Variants in DCC observed in about 807,000 individuals in gnomAD.
DCC encodes netrin receptor DCC.
DCC carries 58 observed loss-of-function variants against 172.5 expected under a neutral mutation model. The ratio of observed to expected loss-of-function variants is 0.34; its 90% CI spans 0.27 to 0.42. DCC has a LOEUF of 0.42. Ranked by LOEUF, DCC falls within the 10% of genes least tolerant of loss-of-function variation. The pLI, the probability that DCC is intolerant of heterozygous loss-of-function variation, is 1.00. For missense variants in DCC, 1,740 were observed against 1,791.0 expected (o/e 0.97, Z 0.51); for synonymous variants, 709 against 644.5 (o/e 1.10, Z -1.52).
chr18:53,222,681 C>T (rs945889266), intron 12 of DCC, among the ~76,000 whole-genome samples: 3 of 151,984 alleles, frequency 2.0e-5, no homozygotes, highest in South Asian at 2.1e-4. Flanking sequence ...CCACCACGCC[C>T]GGCCTATGGT....
At chr18:52,582,884 A>G (rs2033585247) in intron 1 of DCC, among the ~76,000 whole-genome samples, 1 of 152,190 alleles carries the variant, frequency 6.6e-6, no homozygotes, top group African/African-American at 2.4e-5. Flanking sequence ...GGTGTCTTTG[A>G]CAGTTTAATA....
intron 2 of DCC, among the ~76,000 whole-genome samples, chr18:52,870,736 T>C (rs1054352200): frequency 2.9e-4 from 36 of 123,006 alleles, no homozygotes; most frequent in Middle Eastern, 6.0e-3. Flanking sequence ...CAGCTTAGGT[T>C]CACTATGATT....
chr18:52,572,134 G>T (rs2033313014), intron 1 of DCC, among the ~76,000 whole-genome samples: 1 of 152,142 alleles, frequency 6.6e-6, no homozygotes. Flanking sequence ...TGTGTCCTGT[G>T]GAGAAAATTC....
intron 1 of DCC, among the ~76,000 whole-genome samples, chr18:52,436,559 G>T (rs114086607): frequency 0.017 from 2,611 of 152,254 alleles, 34 homozygotes; most frequent in South Asian, 0.037. Flanking sequence ...ATTTCCAGGG[G>T]CTTCCTATGT....
intron 1 of DCC, among the ~76,000 whole-genome samples, chr18:52,665,579 C>T (rs556190371): frequency 2.0e-5 from 3 of 152,206 alleles, no homozygotes; most frequent in East Asian, 1.9e-4. Flanking sequence ...ATAATCGGAG[C>T]CTGATTTATA....
chr18:52,902,591 G>A (rs1004343823), intron 2 of DCC, among the ~76,000 whole-genome samples: 1 of 152,054 alleles, frequency 6.6e-6, no homozygotes, highest in Non-Finnish European at 1.5e-5. Context: ...TATTTCATAC[G>A]TATGCGTTAT....
At chr18:53,114,689 C>T (rs1024950446) in intron 7 of DCC, among the ~76,000 whole-genome samples, 6 of 151,506 alleles carry the variant, frequency 4.0e-5, no homozygotes, top group South Asian at 2.1e-4. Flanking sequence ...AGATCAGCCA[C>T]GTTGGACTGA....
At chr18:52,635,736 A>G (rs912361103) in intron 1 of DCC, among the ~76,000 whole-genome samples, 18 of 152,266 alleles carry the variant, frequency 1.2e-4, no homozygotes, top group African/African-American at 4.1e-4. Flanking sequence ...CTCACGTTCC[A>G]TTCTGACTAT....
intron 7 of DCC, among the ~76,000 whole-genome samples, chr18:53,143,210 C>T (rs2043856084): frequency 6.6e-6 from 1 of 152,116 alleles, no homozygotes; most frequent in African/African-American, 2.4e-5. Context: ...TCCCCAGCCT[C>T]CTCACCTCTT....
At chr18:52,993,250 A>C (rs954581781) in intron 5 of DCC, among the ~76,000 whole-genome samples, 1 of 152,314 alleles carries the variant, frequency 6.6e-6, no homozygotes, top group East Asian at 1.9e-4. Context: ...GGATAAGAAA[A>C]GTTCTTAACT....
intron 1 of DCC, among the ~76,000 whole-genome samples, chr18:52,545,254 C>A (rs2032578207): frequency 6.6e-6 from 1 of 152,146 alleles, no homozygotes; most frequent in South Asian, 2.1e-4. Context: ...GAAGTACTGG[C>A]CTGGAGGGCA....
At chr18:52,510,215 C>A (rs753012081) in intron 1 of DCC, among the ~76,000 whole-genome samples, 1 of 152,060 alleles carries the variant, frequency 6.6e-6, no homozygotes, top group Non-Finnish European at 1.5e-5. Flanking sequence ...AACTCAGGAC[C>A]CTTTGAAGAC....
In DCC at chr18:53,328,737, G is replaced by A. The variant is rs193261314; in HGVS notation, c.2164+6580G>A. ...TTTAGTAGAGACAGGGTTTCACCACGTGGGCCAGGCTGGTCTTGAACTCCT... is the reference window on the plus strand; with the variant it reads ...TTTAGTAGAGACAGGGTTTCACCACATGGGCCAGGCTGGTCTTGAACTCCT... On this transcript the variant is annotated intron_variant, in intron 14 of 28. Coordinates refer to ENST00000442544, the MANE Select transcript of DCC (RefSeq NM_005215.4). 9.7e-4 allele frequency among the ~76,000 whole-genome samples: 148 copies of A among 152,212 alleles called. 1 individual carries two copies. Among genetic ancestry groups the A allele is most frequent in the African/African-American group, 3.1e-3 (128 of 41,544 alleles).
At chr18:52,514,130 CCT>C (rs978087657) in intron 1 of DCC, among the ~76,000 whole-genome samples, 21 of 151,878 alleles carry the variant, frequency 1.4e-4, no homozygotes, top group African/African-American at 9.7e-5. Context: ...TTGATAAAAT[CCT>C]CTCTCTCTGT....
At chr18:53,382,204 G>C (rs62098054) in intron 15 of DCC, among the ~76,000 whole-genome samples, 64,085 of 151,290 alleles carry the variant, frequency 0.42, 15,255 homozygotes, top group Non-Finnish European at 0.55. Context: ...TATTCAAATT[G>C]CGAATGGAAT....
intron 15 of DCC, among the ~76,000 whole-genome samples, chr18:53,377,318 T>C (rs777371534): frequency 2.0e-5 from 3 of 148,756 alleles, no homozygotes; most frequent in Non-Finnish European, 4.4e-5. Context: ...CATTATCCCA[T>C]GGTGGAAGGC....
At chr18:52,521,736 T>C (rs1404495993) in intron 1 of DCC, among the ~76,000 whole-genome samples, 1 of 152,098 alleles carries the variant, frequency 6.6e-6, no homozygotes. Flanking sequence ...CTGGAAAAGG[T>C]GAATGGTTTT....
At chr18:53,217,706 A>G (rs74770202) in intron 12 of DCC, among the ~76,000 whole-genome samples, 1 of 152,178 alleles carries the variant, frequency 6.6e-6, no homozygotes, top group East Asian at 1.9e-4. Flanking sequence ...TATTTGAAAT[A>G]GATGAAAAGT....
At chr18:53,453,746 G>C (rs1182183557) in intron 23 of DCC, among the ~76,000 whole-genome samples, 1 of 152,142 alleles carries the variant, frequency 6.6e-6, no homozygotes, top group African/African-American at 2.4e-5. Flanking sequence ...CCTAAATGAA[G>C]ACCCTTAATA....
Sources: gnomAD v4.1 joint callset for allele counts (sites outside exome capture counted in the v4.1 genomes callset) on GRCh38, gnomAD v4.1.1 for gene constraint, MANE v1.5 for transcripts, NCBI Gene and HGNC (gene_info 2026-07-23, HGNC 2026-07-21) for gene names.